Variants in SETBP1 observed in about 807,000 individuals in gnomAD.
SETBP1 encodes SET binding protein 1, also known as SET-binding protein.
A neutral mutation model predicts 101.0 loss-of-function variants in SETBP1; 9 were observed. That is an observed-to-expected ratio of 0.09 (90% CI 0.05 to 0.16). The LOEUF (loss-of-function observed/expected upper bound fraction) is 0.16. Ranked by LOEUF, SETBP1 falls within the 10% of genes least tolerant of loss-of-function variation. SETBP1 has a pLI of 1.00. For missense variants in SETBP1, 1,858 were observed against 2,033.8 expected (o/e 0.91, Z 1.66); for synonymous variants, 818 against 788.5 (o/e 1.04, Z -0.63).
intron 4 of SETBP1, among the ~76,000 whole-genome samples, chr18:44,958,037 C>A (rs189302968): frequency 1.3e-5 from 2 of 152,168 alleles, no homozygotes; most frequent in African/African-American, 4.8e-5. Flanking sequence ...TCACACTAAC[C>A]AGCTGAAAGA....
Position 44,758,390 on chromosome 18 carries a change from T to TA in SETBP1, c.486+56558_486+56559insA, listed in dbSNP as rs60011636. On this transcript the variant is annotated intron_variant, in intron 2 of 5. Coordinates refer to ENST00000649279, the MANE Select transcript of SETBP1 (RefSeq NM_015559.3). ...AAGTCACAGAGCTGAAAGAATTTTT[T>TA]TTTTTTTTTTGAGACGGAGTCTCGC... Among the ~76,000 whole-genome samples the TA allele has an allele frequency of 5.7e-3, 865 of 152,126 alleles. 6 individuals are homozygous for TA. The highest frequency in any genetic ancestry group is 0.02 in the African/African-American group (823 of 41,522).
intron 4 of SETBP1, chr18:44,987,618 G>C (rs2145266807): frequency 6.6e-6 from 1 of 152,318 alleles, no homozygotes; most frequent in African/African-American, 2.4e-5. Context: ...TGTTAGTTTA[G>C]AATTACCCAT....
chr18:44,862,767 G>A (rs1274515235), intron 2 of SETBP1, among the ~76,000 whole-genome samples: 2 of 152,186 alleles, frequency 1.3e-5, no homozygotes, highest in African/African-American at 4.8e-5. Flanking sequence ...GTGTAAACAA[G>A]CTCTTAGAGG....
chr18:44,967,710 T>C (rs1334926671), intron 4 of SETBP1, among the ~76,000 whole-genome samples: 2 of 152,172 alleles, frequency 1.3e-5, no homozygotes, highest in African/African-American at 4.8e-5. Flanking sequence ...TTCTAGGGGC[T>C]GCCCACATTA....
intron 2 of SETBP1, among the ~76,000 whole-genome samples, chr18:44,818,906 C>G (rs562883803): frequency 1.3e-5 from 2 of 151,860 alleles, no homozygotes; most frequent in South Asian, 4.2e-4. Flanking sequence ...TTTCGCTTAC[C>G]ATGGTTACAA....
intron 5 of SETBP1, among the ~76,000 whole-genome samples, chr18:45,055,930 T>G (rs1015719152): frequency 6.6e-6 from 1 of 152,196 alleles, no homozygotes; most frequent in Non-Finnish European, 1.5e-5. Flanking sequence ...TGCAATAAAT[T>G]TCTAAAACTG....
upstream of SETBP1, among the ~76,000 whole-genome samples, chr18:44,680,640 G>A (rs943349580): frequency 1.3e-5 from 2 of 152,298 alleles, no homozygotes; most frequent in Non-Finnish European, 2.9e-5. Context: ...CGGGTGGGCG[G>A]CGATGCTGGC....
chr18:44,857,707 C>T (rs1200946302), intron 2 of SETBP1, among the ~76,000 whole-genome samples: 1 of 152,142 alleles, frequency 6.6e-6, no homozygotes, highest in Non-Finnish European at 1.5e-5. Context: ...TATCCCCCAA[C>T]TGAATCAGCC....
At chr18:44,871,466 C>T (rs1270723405) in intron 3 of SETBP1, 1 of 152,186 alleles carries the variant, frequency 6.6e-6, no homozygotes, top group African/African-American at 2.4e-5. Flanking sequence ...GGACCCCTCC[C>T]AGGGATAACT....
At chr18:44,853,574 A>G (rs1466881267) in intron 2 of SETBP1, among the ~76,000 whole-genome samples, 1 of 152,248 alleles carries the variant, frequency 6.6e-6, no homozygotes, top group Non-Finnish European at 1.5e-5. Context: ...AGAAGAGCTC[A>G]TATCTGAACT....
intron 5 of SETBP1, among the ~76,000 whole-genome samples, chr18:45,057,702 C>A (rs534456805): frequency 6.0e-4 from 91 of 152,316 alleles, no homozygotes; most frequent in African/African-American, 2.2e-3. Context: ...CCCTTAGGAA[C>A]ATTCAAACAG....
At chr18:45,030,630 C>T (rs181161735) in intron 4 of SETBP1, among the ~76,000 whole-genome samples, 1 of 150,094 alleles carries the variant, frequency 6.7e-6, no homozygotes, top group Non-Finnish European at 1.5e-5. Flanking sequence ...AGCTGTGAAT[C>T]CATCTGGTCC....
At chr18:44,956,375 C>A (rs1045233126) in intron 4 of SETBP1, among the ~76,000 whole-genome samples, 3 of 152,018 alleles carry the variant, frequency 2.0e-5, no homozygotes, top group African/African-American at 7.2e-5. Context: ...TGCCAAGTTC[C>A]ATGAAAAGAC....
intron 3 of SETBP1, among the ~76,000 whole-genome samples, chr18:44,890,577 C>G (rs608382): frequency 0.53 from 81,240 of 151,864 alleles, 21,862 homozygotes; most frequent in Non-Finnish European, 0.55. Context: ...CAAATATGCC[C>G]ATTTCCTCTA....
Position 45,063,395 on chromosome 18 carries a change from G to T in SETBP1, c.4488G>T (p.Leu1496=). 6.5e-7 allele frequency: 1 copy of T among 1,543,478 alleles called. No individual in the cohort carries two copies. The highest frequency in any genetic ancestry group is 8.7e-7 in the Non-Finnish European group (1 of 1,144,624). ...AGCCCAGCCTGAGCCCGCTGGTGCTGGAGCCCGCCGCCAGCCAAGACACCA... is the reference window on the plus strand; with the variant it reads ...AGCCCAGCCTGAGCCCGCTGGTGCTTGAGCCCGCCGCCAGCCAAGACACCA... ...GQKPSLSPLV[L]EPAASQDTIM... Residue 1496 remains leucine (L), a synonymous_variant, in exon 6 of 6, where the codon CTG becomes CTT. Transcript: ENST00000649279.
At chr18:45,018,824 T>C (rs1390286969) in intron 4 of SETBP1, among the ~76,000 whole-genome samples, 1 of 152,172 alleles carries the variant, frequency 6.6e-6, no homozygotes, top group East Asian at 1.9e-4. Flanking sequence ...CGAGCAAAAT[T>C]TACGGAGCTA....
intron 4 of SETBP1, among the ~76,000 whole-genome samples, chr18:45,026,235 T>C (rs1252499337): frequency 6.6e-6 from 1 of 152,240 alleles, no homozygotes; most frequent in African/African-American, 2.4e-5. Flanking sequence ...TAAGCCATGC[T>C]GTGATTATGG....
intron 3 of SETBP1, among the ~76,000 whole-genome samples, chr18:44,915,408 T>C (rs1228427964): frequency 2.0e-5 from 3 of 152,130 alleles, no homozygotes; most frequent in Non-Finnish European, 4.4e-5. Flanking sequence ...TTAATAAGTA[T>C]ACACAGGGCA....
Position 44,982,530 on chromosome 18 carries a change from A to G in SETBP1, c.4000+29190A>G, listed in dbSNP as rs772151861. Reference sequence around the variant, plus strand: ...CATGAGTTGTTGAAAAGCATATTCAATCAAGCAAGAGCATAGCTTTTTGAG... The same window carrying G: ...CATGAGTTGTTGAAAAGCATATTCAGTCAAGCAAGAGCATAGCTTTTTGAG... On this transcript the variant is annotated intron_variant, in intron 4 of 5. Transcript: ENST00000649279. Among the ~76,000 whole-genome samples, 103 of 152,218 alleles carry G rather than the reference A, an allele frequency of 6.8e-4. 3 individuals carry two copies. The highest frequency in any genetic ancestry group is 1.3e-4 in the Non-Finnish European group (9 of 68,038).
Sources: gnomAD v4.1 joint callset for allele counts (sites outside exome capture counted in the v4.1 genomes callset) on GRCh38, gnomAD v4.1.1 for gene constraint, MANE v1.5 for transcripts, NCBI Gene and HGNC (gene_info 2026-07-23, HGNC 2026-07-21) for gene names.